Variants in GRIN2A observed in about 807,000 individuals in gnomAD.
GRIN2A encodes the protein glutamate receptor ionotropic, NMDA 2A.
In GRIN2A, 22 loss-of-function variants were observed where a neutral mutation model predicts 113.4. The observed-to-expected ratio is 0.19, with a 90% CI of 0.14 to 0.28. The LOEUF (loss-of-function observed/expected upper bound fraction) is 0.28, where lower values mean the gene tolerates loss of function less well. GRIN2A is among the 10% of genes least tolerant of loss of function. GRIN2A has a pLI of 1.00. For missense variants in GRIN2A, 1,502 were observed against 1,887.0 expected, an observed-to-expected ratio of 0.80 and a Z score of 3.78; for synonymous variants, 827 against 738.4, an observed-to-expected ratio of 1.12 and a Z score of -1.94.
intron 12 of GRIN2A, among the ~76,000 whole-genome samples, chr16:9,765,999 A>G (rs151256765): frequency 7.5e-4 from 114 of 152,274 alleles, no homozygotes; most frequent in African/African-American, 2.5e-3. Flanking sequence ...TCAAGGGAAG[A>G]GCCCTTGATT....
chr16:9,796,987 C>T (rs146098904), intron 11 of GRIN2A, among the ~76,000 whole-genome samples: 7 of 152,348 alleles, frequency 4.6e-5, no homozygotes, highest in African/African-American at 1.7e-4. Flanking sequence ...ATATAAAACA[C>T]ATTTAGAATG....
intron 2 of GRIN2A, chr16:10,033,897 C>A (rs2046976033): frequency 6.6e-6 from 1 of 152,408 alleles, no homozygotes. Context: ...AGCAGCCAAC[C>A]ATAGGAAAGG....
At chr16:9,784,588 A>C (rs962655497) in intron 11 of GRIN2A, among the ~76,000 whole-genome samples, 1 of 152,164 alleles carries the variant, frequency 6.6e-6, no homozygotes, top group African/African-American at 2.4e-5. Context: ...AAATTGACAA[A>C]TGGGATCTAA....
intron 2 of GRIN2A, among the ~76,000 whole-genome samples, chr16:9,955,213 A>G (rs1457886062): frequency 6.6e-6 from 1 of 152,128 alleles, no homozygotes; most frequent in African/African-American, 2.4e-5. Flanking sequence ...GTGGATACCA[A>G]TGGGATATGT....
intron 3 of GRIN2A, among the ~76,000 whole-genome samples, chr16:9,900,639 T>C (rs1327483348): frequency 1.3e-5 from 2 of 152,178 alleles, no homozygotes; most frequent in Non-Finnish European, 1.5e-5. Flanking sequence ...TCTACTTTAT[T>C]GGGAGTTATT....
chr16:9,856,714 C>G (rs2042975401), intron 4 of GRIN2A, among the ~76,000 whole-genome samples: 1 of 151,606 alleles, frequency 6.6e-6, no homozygotes, highest in Non-Finnish European at 1.5e-5. Flanking sequence ...TTTCTGTAAT[C>G]CTAAAAATAG....
intron 9 of GRIN2A, among the ~76,000 whole-genome samples, chr16:9,823,843 A>G (rs1297585097): frequency 1.3e-5 from 2 of 152,164 alleles, no homozygotes; most frequent in Non-Finnish European, 2.9e-5. Context: ...CTCAGAGACC[A>G]TTGCTATTGA....
chr16:9,810,820 T>A (rs1027872967), intron 10 of GRIN2A, among the ~76,000 whole-genome samples: 6 of 152,188 alleles, frequency 3.9e-5, no homozygotes, highest in African/African-American at 1.4e-4. Context: ...TGGGGACACC[T>A]GAAGGTGCAG....
chr16:9,937,357 T>C (rs190377114), intron 3 of GRIN2A, among the ~76,000 whole-genome samples: 2 of 152,242 alleles, frequency 1.3e-5, no homozygotes, highest in Admixed American at 6.5e-5. Context: ...ACATAAAGAA[T>C]ATAATTGAAT....
intron 11 of GRIN2A, among the ~76,000 whole-genome samples, chr16:9,781,501 C>G (rs1901933691): frequency 6.6e-6 from 1 of 152,164 alleles, no homozygotes; most frequent in Non-Finnish European, 1.5e-5. Flanking sequence ...GCTAGGACCA[C>G]AGGTGCATGC....
chr16:10,082,829 G>A (rs575003209), intron 2 of GRIN2A, among the ~76,000 whole-genome samples: 2 of 152,362 alleles, frequency 1.3e-5, no homozygotes, highest in African/African-American at 4.8e-5. Context: ...TAGTGATGAT[G>A]TCAGTGCCGA....
At chr16:10,170,701 C>A (rs1232621763) in intron 2 of GRIN2A, among the ~76,000 whole-genome samples, 1 of 151,996 alleles carries the variant, frequency 6.6e-6, no homozygotes, top group Non-Finnish European at 1.5e-5. Flanking sequence ...CATGGTGAGA[C>A]CCCCGTCTCT....
chr16:10,054,661 G>T (rs1020924504), intron 2 of GRIN2A, among the ~76,000 whole-genome samples: 1 of 151,934 alleles, frequency 6.6e-6, no homozygotes, highest in African/African-American at 2.4e-5. Flanking sequence ...ACATCCATAG[G>T]GTGGATATTT....
chr16:9,914,678 C>T (rs1405550753), intron 3 of GRIN2A, among the ~76,000 whole-genome samples: 1 of 152,078 alleles, frequency 6.6e-6, no homozygotes. Context: ...GGCTCCCAGA[C>T]CCAAAGCTGA....
chr16:9,795,032 C>T (rs996458653), intron 11 of GRIN2A, among the ~76,000 whole-genome samples: 12 of 149,860 alleles, frequency 8.0e-5, no homozygotes, highest in South Asian at 6.3e-4. Context: ...ATGATGATGA[C>T]GGTGATGGTG....
At chr16:9,876,098 G>C (rs987906168) in intron 4 of GRIN2A, among the ~76,000 whole-genome samples, 1 of 152,014 alleles carries the variant, frequency 6.6e-6, no homozygotes, top group Non-Finnish European at 1.5e-5. Context: ...AGGGTGGAAG[G>C]CTGCCCTGCC....
At chr16:10,041,751 A>AACCCAGAT (rs1214781775) in intron 2 of GRIN2A, among the ~76,000 whole-genome samples, 7 of 152,152 alleles carry the variant, frequency 4.6e-5, no homozygotes, top group African/African-American at 1.7e-4. Context: ...GCTTTTGACC[A>AACCCAGAT]ACCCAGATAC....
chr16:9,810,504 G>C (rs1230492545), intron 10 of GRIN2A, among the ~76,000 whole-genome samples: 1 of 152,128 alleles, frequency 6.6e-6, no homozygotes, highest in African/African-American at 2.4e-5. Context: ...AGTCATCCTG[G>C]ATTTAGGGTG....
At chr16:10,086,707 G>T (rs2048092903) in intron 2 of GRIN2A, among the ~76,000 whole-genome samples, 1 of 152,016 alleles carries the variant, frequency 6.6e-6, no homozygotes, top group African/African-American at 2.4e-5. Flanking sequence ...CCATGTACCA[G>T]GACCAGGCAA....
Sources: gnomAD v4.1 joint callset for allele counts (sites outside exome capture counted in the v4.1 genomes callset) on GRCh38, gnomAD v4.1.1 for gene constraint, MANE v1.5 for transcripts, NCBI Gene and HGNC (gene_info 2026-07-23, HGNC 2026-07-21) for gene names.